Variants in PHACTR3 observed in about 807,000 individuals in gnomAD.
The protein encoded by PHACTR3 is protein phosphatase 1, regulatory subunit 123.
In PHACTR3, 16 loss-of-function variants were observed where a neutral mutation model predicts 66.8. The ratio of observed to expected loss-of-function variants is 0.24; its 90% CI spans 0.16 to 0.36. The LOEUF is 0.36. Ranked by LOEUF, PHACTR3 falls within the 10% of genes least tolerant of loss-of-function variation. The pLI is 1.00. For missense variants in PHACTR3, 647 were observed against 719.9 expected (o/e 0.90, Z 1.16); for synonymous variants, 323 against 292.1 (o/e 1.11, Z -1.08).
At chr20:59,693,095 C>T (rs922008125) in intron 1 of PHACTR3, among the ~76,000 whole-genome samples, 82 of 152,166 alleles carry the variant, frequency 5.4e-4, no homozygotes, top group African/African-American at 1.7e-3. Flanking sequence ...GAGCAGATTC[C>T]TTAACCCCTT....
At chr20:59,696,209 C>T (rs112725733) in intron 1 of PHACTR3, among the ~76,000 whole-genome samples, 90 of 152,254 alleles carry the variant, frequency 5.9e-4, no homozygotes, top group Non-Finnish European at 1.0e-3. Flanking sequence ...TAAAATTAAA[C>T]GGAGGTCAAA....
At chr20:59,838,969 A>G (rs902814840) in intron 9 of PHACTR3, among the ~76,000 whole-genome samples, 4 of 152,070 alleles carry the variant, frequency 2.6e-5, no homozygotes, top group African/African-American at 9.7e-5. Context: ...TCTGACAGGA[A>G]CTTTCAAAGA....
intron 8 of PHACTR3, among the ~76,000 whole-genome samples, chr20:59,818,828 T>G (rs981492026): frequency 2.0e-5 from 3 of 152,258 alleles, no homozygotes; most frequent in African/African-American, 7.2e-5. Context: ...CTTCACTGCT[T>G]GTTTATCATC....
Position 59,670,609 on chromosome 20 carries a change from G to GT in PHACTR3, c.118+65477_118+65478insT, listed in dbSNP as rs958469220. Among the ~76,000 whole-genome samples the GT allele has an allele frequency of 6.4e-4, 88 of 136,828 alleles. 1 individual carries two copies. Among genetic ancestry groups the GT allele is most frequent in the African/African-American group, 1.9e-3 (74 of 38,942 alleles). 89.8% of individuals were successfully genotyped at this position (136,828 alleles called of 152,430 possible). A position where few individuals can be genotyped will look rare whatever the true frequency, so the allele number is the denominator to read the frequency against. ...AGGACAGGCATCTGCCGGGGGTGGG[G>GT]GGGGGGGGCAGGCACTTTTACTGTT... On this transcript the variant is annotated intron_variant, in intron 1 of 12. Coordinates refer to ENST00000371015, the MANE Select transcript of PHACTR3 (RefSeq NM_080672.5).
At chr20:59,579,724 G>T (rs193069967) in intron 1 of PHACTR3, among the ~76,000 whole-genome samples, 4 of 152,348 alleles carry the variant, frequency 2.6e-5, no homozygotes, top group African/African-American at 9.6e-5. Context: ...AGAGTTGCCA[G>T]CTGCTTGGAG....
At chr20:59,666,348 G>A (rs1417377352) in intron 1 of PHACTR3, among the ~76,000 whole-genome samples, 1 of 152,138 alleles carries the variant, frequency 6.6e-6, no homozygotes, top group African/African-American at 2.4e-5. Flanking sequence ...CCAGGCCACT[G>A]GTCTATTTTA....
At chr20:59,690,436 GCTCT>G (rs997694990) in intron 1 of PHACTR3, among the ~76,000 whole-genome samples, 5 of 152,160 alleles carry the variant, frequency 3.3e-5, no homozygotes, top group African/African-American at 1.2e-4. Flanking sequence ...TGTCTGGTTT[GCTCT>G]CTCTCTTCCC....
At chr20:59,601,236 T>C (rs1291368634), upstream of PHACTR3, among the ~76,000 whole-genome samples, 1 of 152,228 alleles carries the variant, frequency 6.6e-6, no homozygotes, top group Admixed American at 6.5e-5. Context: ...CTTCTGCCAC[T>C]GGCTTCTTTT....
intron 1 of PHACTR3, among the ~76,000 whole-genome samples, chr20:59,632,473 T>C (rs2034703651): frequency 6.6e-6 from 1 of 152,204 alleles, no homozygotes; most frequent in Non-Finnish European, 1.5e-5. Flanking sequence ...GCTGGTCGGC[T>C]GTGGGCTTGG....
chr20:59,706,898 C>A (rs542279384), intron 1 of PHACTR3, among the ~76,000 whole-genome samples: 27 of 152,286 alleles, frequency 1.8e-4, no homozygotes, highest in African/African-American at 6.5e-4. Context: ...ATTTAAAACA[C>A]CCTCTACCTC....
chr20:59,740,279 A>C (rs1201901293), intron 1 of PHACTR3, among the ~76,000 whole-genome samples: 1 of 151,938 alleles, frequency 6.6e-6, no homozygotes, highest in Non-Finnish European at 1.5e-5. Context: ...TGTATTGTGG[A>C]TGTTTATCTT....
intron 1 of PHACTR3, among the ~76,000 whole-genome samples, chr20:59,687,899 C>A (rs2146568306): frequency 6.6e-6 from 1 of 152,214 alleles, no homozygotes; most frequent in Non-Finnish European, 1.5e-5. Flanking sequence ...CTGGTTGCTC[C>A]CCTGTGAATT....
chr20:59,602,625 C>T (rs572237167), upstream of PHACTR3, among the ~76,000 whole-genome samples: 5 of 152,228 alleles, frequency 3.3e-5, no homozygotes, highest in African/African-American at 9.6e-5. Flanking sequence ...TCCTCCCCCC[C>T]ACCTATAGCC....
intron 1 of PHACTR3, among the ~76,000 whole-genome samples, chr20:59,716,119 C>A (rs754922070): frequency 6.6e-6 from 1 of 152,030 alleles, no homozygotes; most frequent in Non-Finnish European, 1.5e-5. Flanking sequence ...AGGGCTCCAC[C>A]CCATGTTTTC....
At chr20:59,696,548 CGTT>C (rs2037304911) in intron 1 of PHACTR3, among the ~76,000 whole-genome samples, 2 of 152,212 alleles carry the variant, frequency 1.3e-5, no homozygotes, top group Admixed American at 1.3e-4. Context: ...TCCCTGGTCT[CGTT>C]GGGATGCTCT....
At chr20:59,754,950 C>T (rs1404429548) in intron 3 of PHACTR3, among the ~76,000 whole-genome samples, 2 of 152,162 alleles carry the variant, frequency 1.3e-5, no homozygotes, top group Non-Finnish European at 2.9e-5. Flanking sequence ...GAAGAGTGCA[C>T]ACAGGGAGTG....
intron 7 of PHACTR3, among the ~76,000 whole-genome samples, chr20:59,782,519 T>C (rs1268592756): frequency 6.6e-6 from 1 of 152,186 alleles, no homozygotes; most frequent in African/African-American, 2.4e-5. Context: ...CTCAAAGTGC[T>C]GGGATTACAG....
chr20:59,609,318 G>A (rs1318162892), intron 1 of PHACTR3, among the ~76,000 whole-genome samples: 1 of 152,076 alleles, frequency 6.6e-6, no homozygotes, highest in African/African-American at 2.4e-5. Context: ...ACAGGTGTGG[G>A]CTTGTGCTGA....
At chr20:59,811,999 G>A (rs554309730) in intron 8 of PHACTR3, among the ~76,000 whole-genome samples, 4 of 149,858 alleles carry the variant, frequency 2.7e-5, no homozygotes, top group Non-Finnish European at 5.9e-5. Context: ...AAGGCTGGAT[G>A]CACTCCTGGG....
Sources: gnomAD v4.1 joint callset for allele counts (sites outside exome capture counted in the v4.1 genomes callset) on GRCh38, gnomAD v4.1.1 for gene constraint, MANE v1.5 for transcripts, NCBI Gene and HGNC (gene_info 2026-07-23, HGNC 2026-07-21) for gene names.